Variants in SLC39A11 observed in about 807,000 individuals in gnomAD.
SLC39A11 encodes the protein zinc transporter ZIP11.
In SLC39A11, 33 loss-of-function variants were observed where a neutral mutation model predicts 36.1. That is an observed-to-expected ratio of 0.91 (90% CI 0.69 to 1.22). SLC39A11 has a LOEUF of 1.22. Ranked by LOEUF, SLC39A11 falls within the 50% of genes most tolerant of loss-of-function variation. The pLI is 0.00. For synonymous variants in SLC39A11, 166 were observed against 170.3 expected (o/e 0.97, Z 0.20); for missense variants, 432 against 430.3 (o/e 1.00, Z -0.03).
At chr17:72,904,670 T>G (rs1418958212) in intron 5 of SLC39A11, among the ~76,000 whole-genome samples, 7 of 152,218 alleles carry the variant, frequency 4.6e-5, no homozygotes. Flanking sequence ...CCGGTTTGTT[T>G]CTTTCCTTCT....
At chr17:72,943,581 C>T (rs2085251284) in intron 5 of SLC39A11, among the ~76,000 whole-genome samples, 1 of 152,126 alleles carries the variant, frequency 6.6e-6, no homozygotes, top group Non-Finnish European at 1.5e-5. Flanking sequence ...TTCACTTTTT[C>T]CCCCAACACT....
intron 3 of SLC39A11, among the ~76,000 whole-genome samples, chr17:73,065,388 G>C (rs2059969148): frequency 6.6e-6 from 1 of 152,188 alleles, no homozygotes; most frequent in Admixed American, 6.5e-5. Flanking sequence ...CTGGGCAACA[G>C]AGCGAGACTC....
intron 7 of SLC39A11, among the ~76,000 whole-genome samples, chr17:72,696,912 G>A (rs2072331321): frequency 6.6e-6 from 1 of 152,182 alleles, no homozygotes; most frequent in South Asian, 2.1e-4. Flanking sequence ...CGCTTCAGCA[G>A]CTGCGTTTTA....
At chr17:72,690,426 G>C (rs551836825) in intron 7 of SLC39A11, among the ~76,000 whole-genome samples, 57 of 152,342 alleles carry the variant, frequency 3.7e-4, no homozygotes, top group Admixed American at 2.0e-3. Context: ...CTCACACGGG[G>C]TTTGGAGGAT....
intron 4 of SLC39A11, among the ~76,000 whole-genome samples, chr17:72,963,496 A>G (rs9891758): frequency 0.94 from 143,104 of 152,080 alleles, 67,563 homozygotes; most frequent in Middle Eastern, 0.99. Flanking sequence ...CTTAAGGGCC[A>G]TCTCAGATCT....
At chr17:72,725,486 T>C (rs1341956559) in intron 7 of SLC39A11, 2 of 152,202 alleles carry the variant, frequency 1.3e-5, no homozygotes, top group Admixed American at 6.5e-5. Flanking sequence ...CAAAGCAAAG[T>C]TGGACATGTC....
rs557664391 is a variant in SLC39A11, at chr17:72,717,876, A to T, written c.671+18774T>A. On this transcript the variant is annotated intron_variant, in intron 7 of 9. Coordinates refer to ENST00000255559, the MANE Select transcript of SLC39A11 (RefSeq NM_139177.4). ...TCTAGGAGGTGAGGCTGGAGAAGTG[A>T]GTCATGACCGCAAGGCCACCAGATC... Among the ~76,000 whole-genome samples, 3 of 152,262 alleles carry T rather than the reference A, an allele frequency of 2.0e-5. No individual in the cohort carries two copies. In the East Asian group the frequency reaches 5.8e-4, roughly 29 times the overall value.
chr17:72,965,604 C>T (rs1030181007), intron 4 of SLC39A11, among the ~76,000 whole-genome samples: 1 of 152,180 alleles, frequency 6.6e-6, no homozygotes, highest in Non-Finnish European at 1.5e-5. Flanking sequence ...AGCTATGATG[C>T]TCAGCAGGTT....
chr17:72,961,116 G>A (rs1467862325), intron 4 of SLC39A11, among the ~76,000 whole-genome samples: 1 of 152,216 alleles, frequency 6.6e-6, no homozygotes, highest in Non-Finnish European at 1.5e-5. Context: ...TGATGGCTCA[G>A]GAGGCCTGTT....
chr17:72,855,174 G>A (rs926637166), intron 5 of SLC39A11, among the ~76,000 whole-genome samples: 1 of 152,210 alleles, frequency 6.6e-6, no homozygotes, highest in Non-Finnish European at 1.5e-5. Flanking sequence ...TGAAATAATT[G>A]TCGGGTCCTT....
chr17:72,809,606 G>A (rs1009452664), intron 6 of SLC39A11, among the ~76,000 whole-genome samples: 11 of 152,030 alleles, frequency 7.2e-5, no homozygotes, highest in Non-Finnish European at 1.5e-4. Flanking sequence ...ATCACATCTT[G>A]GAGTAACAGT....
chr17:72,925,705 G>A (rs1243113314), intron 5 of SLC39A11, among the ~76,000 whole-genome samples: 2 of 152,208 alleles, frequency 1.3e-5, no homozygotes, highest in Non-Finnish European at 2.9e-5. Flanking sequence ...GCAACAGAAT[G>A]TGAATGGATG....
chr17:72,970,659 T>G (rs1302003090), intron 4 of SLC39A11, among the ~76,000 whole-genome samples: 1 of 152,186 alleles, frequency 6.6e-6, no homozygotes, highest in Non-Finnish European at 1.5e-5. Flanking sequence ...CCCAGAAGAC[T>G]GTCATTTTAT....
chr17:72,875,732 G>C (rs1399011396), intron 5 of SLC39A11, among the ~76,000 whole-genome samples: 3 of 152,060 alleles, frequency 2.0e-5, no homozygotes, highest in Non-Finnish European at 4.4e-5. Flanking sequence ...TTTTCCCTTA[G>C]AGCACTTTCA....
intron 4 of SLC39A11, among the ~76,000 whole-genome samples, chr17:72,966,073 C>A (rs984576140): frequency 6.6e-6 from 1 of 152,214 alleles, no homozygotes; most frequent in Non-Finnish European, 1.5e-5. Flanking sequence ...GGCTGCAAGG[C>A]AGGTCTTCAT....
rs1036932968 is a variant in SLC39A11 at position 72,980,508 on chromosome 17, G to A, written c.307-32633C>T. ...AATGTAGAAATTTGAAACAAAGCTT[G>A]TAAAAAAAAATACCTAGACGATGTT... On this transcript the variant is annotated intron_variant, in intron 4 of 9. Transcript: ENST00000255559. 2.0e-5 allele frequency among the ~76,000 whole-genome samples: 3 copies of A among 151,942 alleles called. No individual in the cohort carries two copies. The South Asian group carries it at 6.2e-4, about 31-fold the overall frequency.
intron 6 of SLC39A11, among the ~76,000 whole-genome samples, chr17:72,827,830 T>C (rs1037171749): frequency 1.3e-5 from 2 of 152,198 alleles, no homozygotes; most frequent in African/African-American, 2.4e-5. Context: ...GAATACACTG[T>C]AGCACAGGCA....
chr17:72,921,957 A>C (rs16977439), intron 5 of SLC39A11, among the ~76,000 whole-genome samples: 1,989 of 152,314 alleles, frequency 0.013, 31 homozygotes, highest in African/African-American at 0.038. Flanking sequence ...CCCTTTACAT[A>C]TGTTATCTGA....
chr17:72,813,116 G>A (rs1206937971), intron 6 of SLC39A11, among the ~76,000 whole-genome samples: 1 of 152,196 alleles, frequency 6.6e-6, no homozygotes, highest in Non-Finnish European at 1.5e-5. Flanking sequence ...ATTATTGCAG[G>A]TTTTGGGATG....
Sources: allele counts gnomAD v4.1 joint callset (sites outside exome capture counted in the v4.1 genomes callset), GRCh38; gene constraint gnomAD v4.1.1; transcripts MANE v1.5; gene names NCBI Gene and HGNC (gene_info 2026-07-23, HGNC 2026-07-21).